FHIP1A: variants seen among roughly 807,000 people sequenced by gnomAD.
FHIP1A encodes FHF complex subunit HOOK interacting protein 1A.
In FHIP1A, 61 loss-of-function variants were observed where a neutral mutation model predicts 88.6. That is an observed-to-expected ratio of 0.69 (90% CI 0.56 to 0.85). FHIP1A has a LOEUF of 0.85. Among genes scored for constraint, FHIP1A ranks in the 40% least tolerant of loss-of-function variants. The pLI, the probability that FHIP1A is intolerant of heterozygous loss-of-function variation, is 0.00. For missense variants in FHIP1A, 1,154 were observed against 1,273.5 expected (o/e 0.91, Z 1.43); for synonymous variants, 478 against 496.0 (o/e 0.96, Z 0.48).
intron 4 of FHIP1A, among the ~76,000 whole-genome samples, chr4:151,576,434 A>C (rs1213911656): frequency 6.6e-6 from 1 of 152,072 alleles, no homozygotes; most frequent in Non-Finnish European, 1.5e-5. Flanking sequence ...CTAATACCTC[A>C]GAGTCTCAAG....
At chr4:151,627,502 C>T (rs1389543504) in intron 7 of FHIP1A, among the ~76,000 whole-genome samples, 2 of 152,166 alleles carry the variant, frequency 1.3e-5, no homozygotes, top group Non-Finnish European at 2.9e-5. Flanking sequence ...CATAGATAAG[C>T]TGAAAATATT....
chr4:151,485,412 T>G (rs1444684822), intron 3 of FHIP1A, among the ~76,000 whole-genome samples: 1 of 152,002 alleles, frequency 6.6e-6, no homozygotes, highest in Non-Finnish European at 1.5e-5. Context: ...TGTCTTGGTC[T>G]TTAAGTGTAT....
Position 151,577,881 on chromosome 4 carries a change from T to G in FHIP1A, c.537T>G (p.Ile179Met), listed in dbSNP as rs1171589303. ...LCSILAKDPSILELFFHTSED... is the reference protein window; with the variant it reads ...LCSILAKDPSMLELFFHTSED... ...CCATTCTTGCCAAAGATCCATCCAT[T>G]TTAGAACTCTTCTTCCACACTAGTG... is the stretch of plus-strand genomic sequence containing the variant. Residue 179 changes from isoleucine (I) to methionine (M), a missense_variant, in exon 5 of 14, where the codon ATT becomes ATG. Physicochemically the swap from Ile to Met is conservative, Grantham distance 10. Coordinates refer to ENST00000435205, the MANE Select transcript of FHIP1A (RefSeq NM_001109977.3). 1 of 1,551,628 alleles carries G rather than the reference T, an allele frequency of 6.4e-7. No homozygotes were observed. The highest frequency in any genetic ancestry group is 1.4e-5 in the African/African-American group (1 of 72,994).
intron 2 of FHIP1A, among the ~76,000 whole-genome samples, chr4:151,462,961 GTT>G (rs1423878957): frequency 1.3e-5 from 2 of 152,164 alleles, no homozygotes; most frequent in African/African-American, 4.8e-5. Context: ...TGCTGCCTTG[GTT>G]TGACTTTAGA....
chr4:151,597,423 G>A (rs1475714965), intron 7 of FHIP1A, among the ~76,000 whole-genome samples: 1 of 152,126 alleles, frequency 6.6e-6, no homozygotes, highest in Admixed American at 6.5e-5. Context: ...AGGGTCACCC[G>A]CCAGATGCCA....
intron 1 of FHIP1A, among the ~76,000 whole-genome samples, chr4:151,426,809 A>G (rs1561489956): frequency 6.6e-6 from 1 of 152,204 alleles, no homozygotes; most frequent in African/African-American, 2.4e-5. Context: ...TTACGGTGTT[A>G]TAAGGCTTAA....
chr4:151,565,098 G>A (rs1221080682), intron 3 of FHIP1A, among the ~76,000 whole-genome samples: 1 of 150,648 alleles, frequency 6.6e-6, no homozygotes, highest in East Asian at 2.0e-4. Context: ...GACATTACAA[G>A]TCTACAAACT....
chr4:151,413,279 G>A (rs946210258), intron 1 of FHIP1A, among the ~76,000 whole-genome samples: 2 of 152,078 alleles, frequency 1.3e-5, no homozygotes, highest in African/African-American at 4.8e-5. Flanking sequence ...ATAAGTGCAT[G>A]ATTTACAAAT....
At chr4:151,476,333 G>A (rs1361947598) in intron 2 of FHIP1A, among the ~76,000 whole-genome samples, 3 of 151,334 alleles carry the variant, frequency 2.0e-5, no homozygotes, top group Non-Finnish European at 2.9e-5. Context: ...TTTTTTTGTC[G>A]AGACGAAGTC....
chr4:151,468,006 C>G (rs527613238), intron 2 of FHIP1A, among the ~76,000 whole-genome samples: 2 of 140,336 alleles, frequency 1.4e-5, no homozygotes, highest in Non-Finnish European at 1.6e-5. Context: ...AAAAAAAAGC[C>G]GGGCATGTTG....
At chr4:151,658,730 G>T (rs769608554) in intron 13 of FHIP1A, among the ~76,000 whole-genome samples, 1 of 152,136 alleles carries the variant, frequency 6.6e-6, no homozygotes, top group Admixed American at 6.5e-5. Context: ...GACAAGGCCT[G>T]GTCTTCATTG....
intron 11 of FHIP1A, among the ~76,000 whole-genome samples, chr4:151,653,278 A>G (rs1578866622): frequency 6.6e-6 from 1 of 152,176 alleles, no homozygotes; most frequent in African/African-American, 2.4e-5. Context: ...TCCTGAGATG[A>G]GACAGCTCTG....
intron 1 of FHIP1A, among the ~76,000 whole-genome samples, chr4:151,438,496 A>T (rs529324323): frequency 7.9e-5 from 12 of 152,128 alleles, no homozygotes; most frequent in Middle Eastern, 6.8e-3. Context: ...AAAGTATGGG[A>T]TTTGTTTAAC....
In FHIP1A at chr4:151,449,129, G is replaced by A. The variant is rs560180872; in HGVS notation, c.-355-5572G>A. Among the ~76,000 whole-genome samples, 6 of 152,244 alleles carry A rather than the reference G, an allele frequency of 3.9e-5. No homozygotes were observed. In the South Asian group the frequency reaches 1.2e-3, roughly 32 times the overall value. On this transcript the variant is annotated intron_variant, in intron 1 of 13. Transcript: ENST00000435205. ...TTTTTAGTATCTCCATAGCATTCTAGTATGATGCCTGATACATAGTAAGCT... is the reference window on the plus strand; with the variant it reads ...TTTTTAGTATCTCCATAGCATTCTAATATGATGCCTGATACATAGTAAGCT...
At chr4:151,475,257 C>T (rs111935066) in intron 2 of FHIP1A, among the ~76,000 whole-genome samples, 8 of 152,224 alleles carry the variant, frequency 5.3e-5, no homozygotes, top group East Asian at 1.9e-4. Context: ...GAAAAATCTC[C>T]GCTGTCATGG....
At chr4:151,449,207 T>A (rs1163177680) in intron 1 of FHIP1A, among the ~76,000 whole-genome samples, 1 of 152,180 alleles carries the variant, frequency 6.6e-6, no homozygotes, top group African/African-American at 2.4e-5. Context: ...GATATGCTTA[T>A]TTTGTGCCTG....
intron 2 of FHIP1A, among the ~76,000 whole-genome samples, chr4:151,463,680 A>T (rs1176268666): frequency 6.6e-6 from 1 of 152,182 alleles, no homozygotes; most frequent in Non-Finnish European, 1.5e-5. Context: ...GCTTCCAATT[A>T]TGTGTCACAA....
At chr4:151,490,767 A>G (rs956142205) in intron 3 of FHIP1A, among the ~76,000 whole-genome samples, 1 of 152,114 alleles carries the variant, frequency 6.6e-6, no homozygotes, top group African/African-American at 2.4e-5. Flanking sequence ...ATATGGATGA[A>G]AAAGTCTCCA....
intron 7 of FHIP1A, among the ~76,000 whole-genome samples, chr4:151,600,052 G>A (rs545207599): frequency 1.3e-5 from 2 of 152,202 alleles, no homozygotes; most frequent in South Asian, 2.1e-4. Flanking sequence ...CTGCATCTTT[G>A]CATTGCATCA....
Sources: allele counts gnomAD v4.1 joint callset (sites outside exome capture counted in the v4.1 genomes callset), GRCh38; gene constraint gnomAD v4.1.1; transcripts MANE v1.5; gene names NCBI Gene and HGNC (gene_info 2026-07-23, HGNC 2026-07-21).